The following PLAT variants were observed in gnomAD, a reference collection of about 807,000 sequenced individuals.
PLAT encodes plasminogen activator, tissue type, also known as tissue-type plasminogen activator.
PLAT carries 48 observed loss-of-function variants against 74.9 expected under a neutral mutation model. That is an observed-to-expected ratio of 0.64 (90% CI 0.51 to 0.82). The LOEUF (loss-of-function observed/expected upper bound fraction) is 0.82. Ranked by LOEUF, PLAT falls within the 40% of genes least tolerant of loss-of-function variation. PLAT has a pLI of 0.00. For synonymous variants in PLAT, 307 were observed against 294.4 expected, an observed-to-expected ratio of 1.04 and a Z score of -0.44; for missense variants, 673 against 736.2, an observed-to-expected ratio of 0.91 and a Z score of 0.99.
Position 42,175,930 on chromosome 8 carries a change from C to T in PLAT, c.*63G>A, listed in dbSNP as rs1396442226. ...TCTGTAGAGAAGCACTGCGCCTTTGCAGTGTCTTCTGAAGAAGAAGAGGCG... is the reference window on the plus strand; with the variant it reads ...TCTGTAGAGAAGCACTGCGCCTTTGTAGTGTCTTCTGAAGAAGAAGAGGCG... On this transcript the variant is annotated 3_prime_UTR_variant, in exon 14 of 14. Transcript: ENST00000220809. The T allele has an allele frequency of 1.9e-6, 3 of 1,547,640 alleles. No individual in the cohort carries two copies. Among genetic ancestry groups the T allele is most frequent in the East Asian group, 2.2e-5 (1 of 44,496 alleles).
At chr8:42,194,623 G>T (rs1206388780) in intron 1 of PLAT, among the ~76,000 whole-genome samples, 1 of 152,192 alleles carries the variant, frequency 6.6e-6, no homozygotes, top group African/African-American at 2.4e-5. Flanking sequence ...TGGAGCCGCA[G>T]TCATGTCCTC....
intron 1 of PLAT, among the ~76,000 whole-genome samples, chr8:42,196,226 C>G (rs1805900509): frequency 6.6e-6 from 1 of 152,164 alleles, no homozygotes; most frequent in South Asian, 2.1e-4. Flanking sequence ...TCATGTTCAA[C>G]CCTTTTGCAA....
At chr8:42,193,904 C>G (rs1457512167) in intron 1 of PLAT, among the ~76,000 whole-genome samples, 2 of 151,842 alleles carry the variant, frequency 1.3e-5, no homozygotes, top group Non-Finnish European at 1.5e-5. Context: ...TTAGTAGAGA[C>G]GGGGTTTCAC....
intron 3 of PLAT, among the ~76,000 whole-genome samples, chr8:42,189,560 T>C (rs1420314432): frequency 6.6e-6 from 1 of 151,808 alleles, no homozygotes; most frequent in Non-Finnish European, 1.5e-5. Flanking sequence ...CTGAGTGCCA[T>C]TGAGTATCTT....
chr8:42,198,059 G>A (rs1805974551), intron 1 of PLAT, among the ~76,000 whole-genome samples: 1 of 152,208 alleles, frequency 6.6e-6, no homozygotes, highest in Admixed American at 6.5e-5. Context: ...GAGGCCACAT[G>A]AGGTGGTTCA....
At position 42,179,866 on chromosome 8, in the gene PLAT, G is replaced by C. The variant is rs1178623795; in HGVS notation, c.1363+60C>G. On this transcript the variant is annotated intron_variant, in intron 12 of 13. Coordinates refer to ENST00000220809, the MANE Select transcript of PLAT (RefSeq NM_000930.5). ...CTCCTGACCCCATTTTCCTCTGGTG[G>C]ACCGCAGCCTCCCCTGCTGTCCCGC... 3 of 1,467,740 alleles carry C rather than the reference G, an allele frequency of 2.0e-6. No individual in the cohort carries two copies. The Admixed American group carries it at 7.3e-5, about 36-fold the overall frequency. 90.9% of individuals were successfully genotyped at this position (1,467,740 alleles called of 1,614,324 possible). A position where few individuals can be genotyped will look rare whatever the true frequency, so the allele number is the denominator to read the frequency against.
chr8:42,176,590 A>G (rs1804982762), intron 13 of PLAT, among the ~76,000 whole-genome samples: 1 of 152,260 alleles, frequency 6.6e-6, no homozygotes, highest in East Asian at 1.9e-4. Flanking sequence ...ACAAAGTGTT[A>G]TAAAGTAAAA....
At chr8:42,195,952 C>T (rs1325173368) in intron 1 of PLAT, among the ~76,000 whole-genome samples, 1 of 152,234 alleles carries the variant, frequency 6.6e-6, no homozygotes, top group Non-Finnish European at 1.5e-5. Context: ...ACCCAGCCCT[C>T]TCGATAGGCT....
chr8:42,201,860 T>G (rs997885731), intron 1 of PLAT, among the ~76,000 whole-genome samples: 3 of 152,156 alleles, frequency 2.0e-5, no homozygotes, highest in Non-Finnish European at 4.4e-5. Flanking sequence ...ATAAGGAAAT[T>G]GGAGCTTCCC....
chr8:42,185,099 T>A lies in PLAT; in HGVS notation c.613A>T (p.Thr205Ser). 1 of 1,608,768 alleles carries A rather than the reference T, an allele frequency of 6.2e-7. No homozygotes were observed. Among genetic ancestry groups the A allele is most frequent in the Non-Finnish European group, 8.5e-7 (1 of 1,177,420 alleles). Residue 205 changes from threonine to serine, a missense_variant, in exon 7 of 14, where the codon ACC (threonine) becomes TCC (serine). Coordinates refer to ENST00000220809, the MANE Select transcript of PLAT (RefSeq NM_000930.5). Reference protein sequence around the residue: ...AGKYSSEFCSTPACSEGNSDC... With the variant: ...AGKYSSEFCSSPACSEGNSDC... ...CACTTACCCTCAGAGCAGGCAGGGG[T>A]GCTGCAGAACTCTGAGCTGTACTTC...
At chr8:42,176,200 T>G in intron 13 of PLAT, 49 bp from the exon 14 acceptor site, 1 of 1,493,756 alleles carries the variant, frequency 6.7e-7, no homozygotes, top group African/African-American at 1.4e-5. Context: ...GCAGACTATC[T>G]GGAGAAAGTC....
intron 1 of PLAT, among the ~76,000 whole-genome samples, chr8:42,199,191 A>G (rs190909583): frequency 1.1e-4 from 16 of 152,352 alleles, no homozygotes; most frequent in Non-Finnish European, 2.2e-4. Context: ...CGAAAAGGTG[A>G]TTTTCTATAG....
At chr8:42,190,314 C>A (rs774847884) in intron 3 of PLAT, among the ~76,000 whole-genome samples, 7 of 152,150 alleles carry the variant, frequency 4.6e-5, no homozygotes, top group Non-Finnish European at 8.8e-5. Flanking sequence ...AGTATTACCA[C>A]ACAGAAATGA....
chr8:42,180,657 C>T lies in PLAT; in HGVS notation c.918G>A (p.Gln306=), dbSNP rs780545069. 1.3e-5 allele frequency: 20 copies of T among 1,594,068 alleles called. No homozygotes were observed. The highest frequency in any genetic ancestry group is 1.6e-5 in the Non-Finnish European group (19 of 1,168,954). ...GCCCTCCTTTGATGCGAAACTGAGGCTGGCTGTACTGTCTCAGGCCGCAGG... is the reference window on the plus strand; with the variant it reads ...GCCCTCCTTTGATGCGAAACTGAGGTTGGCTGTACTGTCTCAGGCCGCAGG... The part of the protein sequence containing the change: ...CSTCGLRQYS[Q]PQFRIKGGLF... The change falls in exon 10 of 14, where the codon CAG becomes CAA. Residue 306 remains glutamine, a synonymous_variant. Transcript: ENST00000220809.
rs759128252 is a variant in PLAT, at chr8:42,180,034, A to G, written c.1255T>C (p.Cys419Arg). ...CGGACCACGCTGCTCTCCTGGGCAC[A>G]GCGGGACGAATCCGATTTCAGCTGC... ...LLQLKSDSSR[C>R]AQESSVVRTV... The change falls in exon 12 of 14, where the codon TGT (cysteine) becomes CGT (arginine). Residue 419 changes from cysteine to arginine, a missense_variant. By Grantham distance (180) the Cys-to-Arg change is radical. Transcript: ENST00000220809. The G allele has an allele frequency of 6.2e-7, 1 of 1,609,576 alleles. No homozygotes were observed. Among genetic ancestry groups the G allele is most frequent in the South Asian group, 1.1e-5 (1 of 90,638 alleles).
rs1381265514 is a variant in PLAT, at chr8:42,175,145, G to A, written c.*848C>T. 6.6e-6 allele frequency: 1 copy of A among 152,166 alleles called. No individual in the cohort carries two copies. Among genetic ancestry groups the A allele is most frequent in the Non-Finnish European group, 1.5e-5 (1 of 68,044 alleles). 9.4% of individuals were successfully genotyped at this position (152,166 alleles called of 1,614,324 possible). A position where few individuals can be genotyped will look rare whatever the true frequency, so the allele number is the denominator to read the frequency against. ...TACAGGTGTTGTGTATATGTTAAGC[G>A]AGTGAAGCAGAATTCCAAATGATTT... On this transcript the variant is annotated 3_prime_UTR_variant, in exon 14 of 14. Coordinates refer to ENST00000220809, the MANE Select transcript of PLAT (RefSeq NM_000930.5).
At chr8:42,201,735 G>A (rs942006779) in intron 1 of PLAT, among the ~76,000 whole-genome samples, 1 of 152,142 alleles carries the variant, frequency 6.6e-6, no homozygotes, top group Non-Finnish European at 1.5e-5. Context: ...TGGACTCCCA[G>A]CAGAAGCCAG....
At chr8:42,178,771 C>T (rs2515660) in intron 13 of PLAT, 126 bp downstream of exon 13, 1 of 876,750 alleles carries the variant, frequency 1.1e-6, no homozygotes, top group Non-Finnish European at 1.8e-6. Flanking sequence ...CTAGAATCCC[C>T]AGGGGTATCA....
chr8:42,179,969 G>A lies in PLAT; in HGVS notation c.1320C>T (p.Asp440=), dbSNP rs751078708. The change falls in exon 12 of 14, where the codon GAC becomes GAT. Residue 440 remains aspartate (D), a synonymous_variant. Coordinates refer to ENST00000220809, the MANE Select transcript of PLAT (RefSeq NM_000930.5). ...AGCCGGAGAGCTCACACTCCGTCCA[G>A]TCCGGCAGCTGCAGGTCCGCCGGGG... The part of the protein sequence containing the change: ...CLPPADLQLP[D]WTECELSGYG... 3 of 1,608,462 alleles carry A rather than the reference G, an allele frequency of 1.9e-6. No homozygotes were observed. The highest frequency in any genetic ancestry group is 1.7e-5 in the Admixed American group (1 of 59,306).
Sources: gnomAD v4.1 joint callset for allele counts (sites outside exome capture counted in the v4.1 genomes callset) on GRCh38, gnomAD v4.1.1 for gene constraint, MANE v1.5 for transcripts, NCBI Gene and HGNC (gene_info 2026-07-23, HGNC 2026-07-21) for gene names.